The following PARD3 variants were observed in gnomAD, a reference collection of about 807,000 sequenced individuals.
PARD3 encodes par-3 family cell polarity regulator.
PARD3 carries 75 observed loss-of-function variants against 155.4 expected under a neutral mutation model. The ratio of observed to expected loss-of-function variants is 0.48; its 90% confidence interval spans 0.40 to 0.58. The LOEUF (loss-of-function observed/expected upper bound fraction) is 0.58. Ranked by LOEUF, PARD3 falls within the 20% of genes least tolerant of loss-of-function variation. The pLI is 0.00. For synonymous variants in PARD3, 576 were observed against 610.5 expected, an observed-to-expected ratio of 0.94 and a Z score of 0.83; for missense variants, 1,642 against 1,721.7, an observed-to-expected ratio of 0.95 and a Z score of 0.82.
chr10:34,345,361 G>C, intron 15 of PARD3: 1 of 984,658 alleles, frequency 1.0e-6, no homozygotes, highest in Non-Finnish European at 1.2e-6. Context: ...GTCCTACATA[G>C]GGGATTACTC....
chr10:34,728,105 T>C (rs1405171157), intron 1 of PARD3, among the ~76,000 whole-genome samples: 1 of 152,222 alleles, frequency 6.6e-6, no homozygotes, highest in Non-Finnish European at 1.5e-5. Flanking sequence ...CTTCACAGTA[T>C]GTATGATGAA....
chr10:34,113,302 CG>C (rs1946487537), intron 24 of PARD3, among the ~76,000 whole-genome samples: 1 of 152,120 alleles, frequency 6.6e-6, no homozygotes, highest in Admixed American at 6.5e-5. Context: ...GCATCATCCC[CG>C]GAAGACACAG....
chr10:34,284,338 T>C, intron 20 of PARD3, 93 bp from the exon 21 acceptor site: 3 of 703,468 alleles, frequency 4.3e-6, no homozygotes, highest in Non-Finnish European at 7.2e-6. Context: ...AAATGAATGT[T>C]AGCTTCTTCA....
At chr10:34,259,695 G>C (rs1954853813) in intron 22 of PARD3, among the ~76,000 whole-genome samples, 1 of 152,186 alleles carries the variant, frequency 6.6e-6, no homozygotes, top group South Asian at 2.1e-4. Context: ...CAGAGATGTG[G>C]GAGAGAAGAT....
At chr10:34,814,848 C>CAA in intron 1 of PARD3, 28 bp downstream of exon 1, 3 of 1,410,112 alleles carry the variant, frequency 2.1e-6, no homozygotes, top group Non-Finnish European at 2.9e-6. Context: ...CCGCCGCCCC[C>CAA]TCCCCGCCCG....
In PARD3 at chr10:34,194,253, C is replaced by G. The variant is rs368847397; in HGVS notation, c.3420-62670G>C. Among the ~76,000 whole-genome samples, 36 of 152,278 alleles carry G rather than the reference C, an allele frequency of 2.4e-4. No homozygotes were observed. In the East Asian group the frequency reaches 6.0e-3, roughly 25 times the overall value. ...CTAGTTGTAAAATAATGTTATCTGG[C>G]AGATGGAGTTTATCCTTGAGAAACA... On this transcript the variant is annotated intron_variant, in intron 22 of 24. Transcript: ENST00000374788.
chr10:34,643,363 T>G (rs904625190), intron 2 of PARD3, among the ~76,000 whole-genome samples: 3 of 152,228 alleles, frequency 2.0e-5, no homozygotes, highest in African/African-American at 7.2e-5. Flanking sequence ...GCCTCATGTC[T>G]CCAGCCATAG....
At chr10:34,332,923 A>G (rs1835770390) in intron 18 of PARD3, among the ~76,000 whole-genome samples, 5 of 152,178 alleles carry the variant, frequency 3.3e-5, no homozygotes, top group Admixed American at 2.6e-4. Flanking sequence ...ATTTTGTTCC[A>G]AAAACCTACA....
intron 7 of PARD3, among the ~76,000 whole-genome samples, chr10:34,398,884 T>TA (rs951460003): frequency 2.6e-5 from 4 of 152,182 alleles, no homozygotes; most frequent in Non-Finnish European, 4.4e-5. Context: ...TTTTTAACAA[T>TA]AAAAAAACTC....
At chr10:34,193,874 C>T (rs906370452) in intron 22 of PARD3, among the ~76,000 whole-genome samples, 2 of 152,142 alleles carry the variant, frequency 1.3e-5, no homozygotes, top group Non-Finnish European at 2.9e-5. Flanking sequence ...GTTTTCAATG[C>T]CCTGAATTTT....
chr10:34,418,329 C>G (rs1035967915), intron 5 of PARD3, among the ~76,000 whole-genome samples: 6 of 152,198 alleles, frequency 3.9e-5, no homozygotes, highest in Admixed American at 2.0e-4. Context: ...CACTCACCAC[C>G]ACACCTGGCT....
chr10:34,295,821 G>A lies in PARD3; in HGVS notation c.3066-11576C>T, dbSNP rs141598430. Among the ~76,000 whole-genome samples the A allele has an allele frequency of 3.9e-4, 59 of 152,150 alleles. No homozygotes were observed. In the East Asian group the frequency reaches 0.011, roughly 28 times the overall value. ...GAGACTCTATTGAGGAAATAATTCAGGCATAATTAAGTTAAGGGTAGAAAA... is the reference window on the plus strand; with the variant it reads ...GAGACTCTATTGAGGAAATAATTCAAGCATAATTAAGTTAAGGGTAGAAAA... On this transcript the variant is annotated intron_variant, in intron 20 of 24. Transcript: ENST00000374788.
At position 34,237,550 on chromosome 10, in the gene PARD3, T is replaced by A. The variant is rs191040039; in HGVS notation, c.3419+32107A>T. Among the ~76,000 whole-genome samples, 576 of 152,338 alleles carry A rather than the reference T, an allele frequency of 3.8e-3. 5 individuals carry two copies. Among genetic ancestry groups the A allele is most frequent in the African/African-American group, 0.013 (530 of 41,592 alleles). On this transcript the variant is annotated intron_variant, in intron 22 of 24. Coordinates refer to ENST00000374788, the MANE Select transcript of PARD3 (RefSeq NM_001184785.2). ...ATTAAGGATGGGGGAAATACTCATA[T>A]GTAAATTTCCATACAATATCTCAAA...
chr10:34,387,880 T>C (rs1842505002), intron 7 of PARD3, among the ~76,000 whole-genome samples: 1 of 152,220 alleles, frequency 6.6e-6, no homozygotes, highest in Non-Finnish European at 1.5e-5. Flanking sequence ...TGAATGGTTG[T>C]CTTTCTAAAT....
At chr10:34,381,572 T>C (rs1168132988) in intron 9 of PARD3, among the ~76,000 whole-genome samples, 2 of 151,990 alleles carry the variant, frequency 1.3e-5, no homozygotes, top group Non-Finnish European at 2.9e-5. Context: ...GGTACTAAAA[T>C]ACATAATGGA....
intron 2 of PARD3, among the ~76,000 whole-genome samples, chr10:34,645,662 G>A (rs1475252273): frequency 6.6e-6 from 1 of 152,196 alleles, no homozygotes; most frequent in Non-Finnish European, 1.5e-5. Context: ...AATAAACCAA[G>A]ATACGCAGAA....
intron 9 of PARD3, among the ~76,000 whole-genome samples, chr10:34,378,510 G>A (rs1038984566): frequency 6.6e-6 from 1 of 152,038 alleles, no homozygotes; most frequent in African/African-American, 2.4e-5. Flanking sequence ...AAATTTTAAG[G>A]GTAGGAGGTA....
intron 2 of PARD3, among the ~76,000 whole-genome samples, chr10:34,553,723 G>C (rs1013249053): frequency 3.9e-5 from 6 of 152,146 alleles, no homozygotes; most frequent in Non-Finnish European, 8.8e-5. Context: ...AGAATGGTTT[G>C]GGTTTTTATT....
chr10:34,541,557 T>C (rs1207077762), intron 2 of PARD3, among the ~76,000 whole-genome samples: 1 of 152,182 alleles, frequency 6.6e-6, no homozygotes, highest in Non-Finnish European at 1.5e-5. Flanking sequence ...ACAACCTTTG[T>C]CTCCTGCTCA....
Sources: allele counts gnomAD v4.1 joint callset (sites outside exome capture counted in the v4.1 genomes callset), GRCh38; gene constraint gnomAD v4.1.1; transcripts MANE v1.5; gene names NCBI Gene and HGNC (gene_info 2026-07-23, HGNC 2026-07-21).